Variants in TBC1D4 observed in about 807,000 individuals in gnomAD.
The protein encoded by TBC1D4 is TBC1 domain family member 4.
A neutral mutation model predicts 142.5 loss-of-function variants in TBC1D4; 121 were observed. That is an observed-to-expected ratio of 0.85 (90% CI 0.73 to 0.99). The LOEUF (loss-of-function observed/expected upper bound fraction) is 0.99, where lower values mean the gene tolerates loss of function less well. TBC1D4 is among the 50% of genes least tolerant of loss of function. The pLI is 0.00. For synonymous variants in TBC1D4, 630 were observed against 628.2 expected (o/e 1.00, Z -0.04); for missense variants, 1,475 against 1,606.6 (o/e 0.92, Z 1.40).
chr13:75,404,801 C>A (rs1885251285), intron 1 of TBC1D4, among the ~76,000 whole-genome samples: 2 of 151,978 alleles, frequency 1.3e-5, no homozygotes, highest in Non-Finnish European at 2.9e-5. Flanking sequence ...AAAGGAAAGC[C>A]CTTAAGTTAC....
intron 5 of TBC1D4, among the ~76,000 whole-genome samples, chr13:75,343,642 G>A (rs150850443): frequency 2.0e-5 from 3 of 151,790 alleles, no homozygotes; most frequent in African/African-American, 4.8e-5. Context: ...TCAGCCTTCC[G>A]AGTAGCTAGG....
At chr13:75,351,371 T>A (rs1013514041) in intron 4 of TBC1D4, among the ~76,000 whole-genome samples, 10 of 152,000 alleles carry the variant, frequency 6.6e-5, no homozygotes, top group African/African-American at 2.4e-4. Context: ...ATCAATCCTA[T>A]TTTTTTGGGG....
chr13:75,449,587 G>GTT (rs756670676), intron 1 of TBC1D4, among the ~76,000 whole-genome samples: 24 of 137,954 alleles, frequency 1.7e-4, no homozygotes, highest in East Asian at 4.2e-4. Context: ...AACATACATA[G>GTT]TTTTTTTTTT....
chr13:75,444,756 G>A (rs566350705), intron 1 of TBC1D4, among the ~76,000 whole-genome samples: 1 of 152,166 alleles, frequency 6.6e-6, no homozygotes, highest in Non-Finnish European at 1.5e-5. Flanking sequence ...CTGGATGTTT[G>A]TTCATAAACC....
chr13:75,450,956 CAGGGATT>C (rs1887507639), intron 1 of TBC1D4, among the ~76,000 whole-genome samples: 1 of 152,126 alleles, frequency 6.6e-6, no homozygotes, highest in Non-Finnish European at 1.5e-5. Context: ...AGGAAGAGTC[CAGGGATT>C]TAGAAGTTAC....
intron 4 of TBC1D4, among the ~76,000 whole-genome samples, chr13:75,350,344 A>T (rs139083390): frequency 6.6e-6 from 1 of 152,212 alleles, no homozygotes; most frequent in Non-Finnish European, 1.5e-5. Flanking sequence ...ACATTTCAGT[A>T]TATGAGGAAA....
intron 5 of TBC1D4, among the ~76,000 whole-genome samples, chr13:75,348,023 C>G (rs566488710): frequency 1.3e-5 from 2 of 152,164 alleles, no homozygotes; most frequent in South Asian, 4.2e-4. Flanking sequence ...CACCTGTTGT[C>G]CCAATTACTT....
intron 5 of TBC1D4, among the ~76,000 whole-genome samples, chr13:75,348,634 A>T (rs1303526261): frequency 3.9e-5 from 6 of 152,066 alleles, no homozygotes; most frequent in Non-Finnish European, 7.4e-5. Flanking sequence ...AGAACATATT[A>T]AAAAAAACTG....
intron 18 of TBC1D4, among the ~76,000 whole-genome samples, chr13:75,293,593 C>T (rs370095018): frequency 6.6e-6 from 1 of 152,124 alleles, no homozygotes; most frequent in East Asian, 1.9e-4. Flanking sequence ...AACCCAAGCT[C>T]CAGAGAAAAT....
intron 8 of TBC1D4, among the ~76,000 whole-genome samples, chr13:75,334,992 A>G (rs1307466453): frequency 6.6e-6 from 1 of 151,588 alleles, no homozygotes; most frequent in Admixed American, 6.6e-5. Context: ...CACAATGGCC[A>G]CTGCACAGAC....
chr13:75,360,548 T>G (rs1593789249), intron 2 of TBC1D4, among the ~76,000 whole-genome samples: 1 of 51,590 alleles, frequency 1.9e-5, no homozygotes, highest in East Asian at 1.1e-3. Context: ...AATTTTTTTT[T>G]TTTAATCAGG....
intron 1 of TBC1D4, chr13:75,376,074 A>C (rs997811185): frequency 6.6e-6 from 1 of 152,256 alleles, no homozygotes; most frequent in Non-Finnish European, 1.5e-5. Flanking sequence ...GGATAAATGC[A>C]AGTCAAAATA....
chr13:75,406,387 C>A (rs953553621), intron 1 of TBC1D4, among the ~76,000 whole-genome samples: 1 of 152,196 alleles, frequency 6.6e-6, no homozygotes, highest in Admixed American at 6.5e-5. Context: ...TCAACTTCTT[C>A]TAATTAAAGC....
chr13:75,449,922 G>C (rs755524535), intron 1 of TBC1D4, among the ~76,000 whole-genome samples: 1 of 152,088 alleles, frequency 6.6e-6, no homozygotes, highest in South Asian at 2.1e-4. Flanking sequence ...TTTACATTCT[G>C]TAGTCATTTA....
chr13:75,356,124 C>A, intron 4 of TBC1D4, 23 bp downstream of exon 4: 1 of 1,568,636 alleles, frequency 6.4e-7, no homozygotes, highest in Middle Eastern at 1.7e-4. Flanking sequence ...CAGGAGCAGG[C>A]AGACAGCAAT....
intron 1 of TBC1D4, among the ~76,000 whole-genome samples, chr13:75,428,827 G>GCTGCAA (rs1381046808): frequency 6.6e-6 from 1 of 152,128 alleles, no homozygotes; most frequent in African/African-American, 2.4e-5. Flanking sequence ...TGCCACCCTC[G>GCTGCAA]CTGCAACCCC....
intron 1 of TBC1D4, among the ~76,000 whole-genome samples, chr13:75,465,102 C>A (rs770625612): frequency 1.3e-5 from 2 of 152,132 alleles, no homozygotes; most frequent in Non-Finnish European, 2.9e-5. Context: ...ATTTTGCCAT[C>A]CCCATATTAT....
At chr13:75,443,642 T>A (rs1304192718) in intron 1 of TBC1D4, among the ~76,000 whole-genome samples, 1 of 152,194 alleles carries the variant, frequency 6.6e-6, no homozygotes, top group Non-Finnish European at 1.5e-5. Context: ...AAAGGAAGAA[T>A]GTCAATCCAA....
Position 75,481,543 on chromosome 13 carries a change from C to T in TBC1D4, c.225G>A (p.Gly75=). ...GGATCACCTCTCGGGCCGCCGGCGC[C>T]CCGCAGCCGCCCGCCTCGGGCTTCT... The part of the protein sequence containing the change: ...RSQKPEAGGC[G]APAAREVILV... Residue 75 remains glycine, a synonymous_variant, in exon 1 of 21, where the codon GGG becomes GGA. Transcript: ENST00000377636. 1 of 1,590,406 alleles carries T rather than the reference C, an allele frequency of 6.3e-7. No individual in the cohort carries two copies. Among genetic ancestry groups the T allele is most frequent in the Non-Finnish European group, 8.6e-7 (1 of 1,169,230 alleles).
Sources: gnomAD v4.1 joint callset for allele counts (sites outside exome capture counted in the v4.1 genomes callset) on GRCh38, gnomAD v4.1.1 for gene constraint, MANE v1.5 for transcripts, NCBI Gene and HGNC (gene_info 2026-07-23, HGNC 2026-07-21) for gene names.